Variants in SNTG1 observed in about 807,000 individuals in gnomAD.
SNTG1 encodes the protein syntrophin gamma 1, also known as gamma-1-syntrophin.
In SNTG1, 39 loss-of-function variants were observed where a neutral mutation model predicts 74.7. The ratio of observed to expected loss-of-function variants is 0.52; its 90% CI spans 0.40 to 0.68. The LOEUF (loss-of-function observed/expected upper bound fraction) is 0.68, where lower values mean the gene tolerates loss of function less well. Ranked by LOEUF, SNTG1 falls within the 30% of genes least tolerant of loss-of-function variation. SNTG1 has a pLI of 0.00. For missense variants in SNTG1, 685 were observed against 609.5 expected, an observed-to-expected ratio of 1.12 and a Z score of -1.30; for synonymous variants, 254 against 217.1, an observed-to-expected ratio of 1.17 and a Z score of -1.49.
chr8:50,365,853 G>A (rs1171471896), intron 2 of SNTG1, among the ~76,000 whole-genome samples: 3 of 152,066 alleles, frequency 2.0e-5, no homozygotes, highest in Non-Finnish European at 4.4e-5. Flanking sequence ...TTATTAGTCT[G>A]TAATTGCTAA....
chr8:50,165,877 A>G (rs1171437196), intron 1 of SNTG1, among the ~76,000 whole-genome samples: 2 of 152,038 alleles, frequency 1.3e-5, no homozygotes, highest in East Asian at 3.9e-4. Context: ...ACTATACTAC[A>G]AGGCTACAGT....
rs10283042 is a variant in SNTG1 at position 50,341,168 on chromosome 8, A to G, written c.-27-53044A>G. Among the ~76,000 whole-genome samples, 6 of 151,902 alleles carry G rather than the reference A, an allele frequency of 3.9e-5. No homozygotes were observed. In the East Asian group the frequency reaches 5.8e-4, roughly 15 times the overall value. On this transcript the variant is annotated intron_variant, in intron 2 of 18. Coordinates refer to ENST00000642720, the MANE Select transcript of SNTG1 (RefSeq NM_018967.5). ...GAGAGGTTTAGTACCAAGCCTCCTTAAAGGGATTTATCTCTTTCCATATAT... is the reference window on the plus strand; with the variant it reads ...GAGAGGTTTAGTACCAAGCCTCCTTGAAGGGATTTATCTCTTTCCATATAT...
chr8:50,116,315 G>GTGAAGTA lies in SNTG1; in HGVS notation c.-102-56245_-102-56239dup, dbSNP rs140014325. 4.9e-3 allele frequency among the ~76,000 whole-genome samples: 748 copies of GTGAAGTA among 152,126 alleles called. 5 individuals are homozygous for GTGAAGTA. Among genetic ancestry groups the GTGAAGTA allele is most frequent in the African/African-American group, 0.017 (716 of 41,506 alleles). ...TTAATGTAATACTTACAATGATTCT[G>GTGAAGTA]TGAAGTAGGATTTTACTCCAAAATC... On this transcript the variant is annotated intron_variant, in intron 1 of 18. Transcript: ENST00000642720.
chr8:50,136,100 C>A (rs1269788263), intron 1 of SNTG1, among the ~76,000 whole-genome samples: 1 of 152,142 alleles, frequency 6.6e-6, no homozygotes, highest in Non-Finnish European at 1.5e-5. Context: ...TTTTTTATGG[C>A]TGCATTGTAT....
chr8:49,999,513 C>T (rs533670612), intron 1 of SNTG1, among the ~76,000 whole-genome samples: 1 of 152,034 alleles, frequency 6.6e-6, no homozygotes, highest in South Asian at 2.1e-4. Flanking sequence ...CAGTGACTTA[C>T]ATCTCACTCT....
chr8:50,448,698 C>T (rs2131614369), intron 5 of SNTG1, among the ~76,000 whole-genome samples: 1 of 152,098 alleles, frequency 6.6e-6, no homozygotes, highest in East Asian at 1.9e-4. Context: ...GTTTAGCTTA[C>T]TTGTCTTTCT....
intron 1 of SNTG1, among the ~76,000 whole-genome samples, chr8:49,986,521 G>T (rs1813166766): frequency 6.6e-6 from 1 of 152,064 alleles, no homozygotes; most frequent in Non-Finnish European, 1.5e-5. Flanking sequence ...ATGATACTCA[G>T]TATAGCCCAG....
intron 8 of SNTG1, among the ~76,000 whole-genome samples, chr8:50,456,648 A>T (rs904115366): frequency 6.6e-6 from 1 of 152,172 alleles, no homozygotes; most frequent in African/African-American, 2.4e-5. Context: ...CCCAAAAGAC[A>T]CCACCACTTG....
At chr8:50,778,007 C>G (rs1165157424) in intron 18 of SNTG1, among the ~76,000 whole-genome samples, 4 of 152,094 alleles carry the variant, frequency 2.6e-5, no homozygotes, top group African/African-American at 9.7e-5. Context: ...CCAATTTCAT[C>G]CATGTCCCTA....
chr8:50,111,066 G>A (rs1454473230), intron 1 of SNTG1, among the ~76,000 whole-genome samples: 1 of 152,054 alleles, frequency 6.6e-6, no homozygotes, highest in East Asian at 1.9e-4. Context: ...TTCTGAGGAG[G>A]AATTCATTAT....
chr8:50,098,677 C>T (rs986394861), intron 1 of SNTG1, among the ~76,000 whole-genome samples: 2 of 152,040 alleles, frequency 1.3e-5, no homozygotes, highest in Admixed American at 6.6e-5. Context: ...TAGACAAGCT[C>T]ATTTCATAAT....
At chr8:50,107,299 A>C (rs779028807) in intron 1 of SNTG1, among the ~76,000 whole-genome samples, 3 of 152,198 alleles carry the variant, frequency 2.0e-5, no homozygotes, top group Non-Finnish European at 4.4e-5. Flanking sequence ...CTTTATTAGC[A>C]TTCTGGAAGG....
At chr8:50,434,145 T>C (rs2093275485) in intron 4 of SNTG1, among the ~76,000 whole-genome samples, 1 of 151,726 alleles carries the variant, frequency 6.6e-6, no homozygotes, top group African/African-American at 2.4e-5. Flanking sequence ...CGGTGTTTGG[T>C]TCTTTGTCCT....
chr8:50,561,915 T>C (rs2094490534), intron 12 of SNTG1, among the ~76,000 whole-genome samples: 1 of 152,200 alleles, frequency 6.6e-6, no homozygotes, highest in Non-Finnish European at 1.5e-5. Flanking sequence ...CTGTCTTCTA[T>C]AACCTTTCAG....
chr8:50,475,735 A>G (rs1297468520), intron 8 of SNTG1, among the ~76,000 whole-genome samples: 3 of 152,184 alleles, frequency 2.0e-5, no homozygotes, highest in African/African-American at 7.2e-5. Flanking sequence ...AGATTTCCAA[A>G]AAAAATCATT....
At chr8:50,551,022 G>A (rs890236418) in intron 11 of SNTG1, among the ~76,000 whole-genome samples, 1 of 151,926 alleles carries the variant, frequency 6.6e-6, no homozygotes, top group African/African-American at 2.4e-5. Context: ...ACTTCATCCA[G>A]GTATTAAAGT....
At chr8:49,984,854 G>A (rs1461021512) in intron 1 of SNTG1, among the ~76,000 whole-genome samples, 1 of 151,946 alleles carries the variant, frequency 6.6e-6, no homozygotes, top group Non-Finnish European at 1.5e-5. Flanking sequence ...GGCTGGAGGT[G>A]TGTCATGGAA....
chr8:50,557,437 AG>A (rs2094462742), intron 12 of SNTG1, among the ~76,000 whole-genome samples: 1 of 152,216 alleles, frequency 6.6e-6, no homozygotes, highest in East Asian at 1.9e-4. Context: ...TTCAAACAAC[AG>A]AAATTCATTT....
At position 50,071,007 on chromosome 8, in the gene SNTG1, T is replaced by C. The variant is rs529542492; in HGVS notation, c.-102-101554T>C. ...AAGTTAGGGCTCCAAAGGAGAGTGT[T>C]CCAGGAGGCAGAAAGTGGAAACTAT... On this transcript the variant is annotated intron_variant, in intron 1 of 18. Coordinates refer to ENST00000642720, the MANE Select transcript of SNTG1 (RefSeq NM_018967.5). 3.9e-5 allele frequency among the ~76,000 whole-genome samples: 6 copies of C among 152,226 alleles called. No individual in the cohort carries two copies. The East Asian group carries it at 9.7e-4, about 25-fold the overall frequency.
Sources: allele counts gnomAD v4.1 joint callset (sites outside exome capture counted in the v4.1 genomes callset), GRCh38; gene constraint gnomAD v4.1.1; transcripts MANE v1.5; gene names NCBI Gene and HGNC (gene_info 2026-07-23, HGNC 2026-07-21).